Variants in OLFM3 observed in about 807,000 individuals in gnomAD.
The protein encoded by OLFM3 is olfactomedin 3.
OLFM3 carries 20 observed loss-of-function variants against 48.6 expected under a neutral mutation model. The observed-to-expected ratio is 0.41, with a 90% CI of 0.29 to 0.60. The LOEUF is 0.60. OLFM3 is among the 20% of genes least tolerant of loss of function. The pLI is 0.28. For missense variants in OLFM3, 437 were observed against 544.3 expected (o/e 0.80, Z 1.96); for synonymous variants, 222 against 198.1 (o/e 1.12, Z -1.01).
At chr1:101,865,256 C>A (rs1183509324) in intron 1 of OLFM3, among the ~76,000 whole-genome samples, 2 of 151,832 alleles carry the variant, frequency 1.3e-5, no homozygotes, top group Non-Finnish European at 2.9e-5. Context: ...ACAGCCCTGG[C>A]CAATCCTTAA....
At position 101,904,535 on chromosome 1, in the gene OLFM3, T is replaced by A. The variant is rs578242071; in HGVS notation, c.70-67510A>T. Among the ~76,000 whole-genome samples, 3 of 152,186 alleles carry A rather than the reference T, an allele frequency of 2.0e-5. No homozygotes were observed. In the South Asian group the frequency reaches 6.2e-4, roughly 32 times the overall value. On this transcript the variant is annotated intron_variant, in intron 1 of 5. Transcript: ENST00000370103. ...TAAGTAACTTGGAGTATATTGTTTA[T>A]CCTTTAATATGTGGAGGGAAGCTAA...
intron 1 of OLFM3, among the ~76,000 whole-genome samples, chr1:101,985,823 T>A (rs1157002270): frequency 6.6e-6 from 1 of 152,196 alleles, no homozygotes; most frequent in Admixed American, 6.5e-5. Flanking sequence ...ACTATATGTA[T>A]ACAATGAATT....
intron 1 of OLFM3, among the ~76,000 whole-genome samples, chr1:101,899,801 TAAA>T (rs957861550): frequency 6.6e-6 from 1 of 152,290 alleles, no homozygotes; most frequent in African/African-American, 2.4e-5. Flanking sequence ...AATATGTAAA[TAAA>T]TAATTTAAAC....
chr1:101,946,275 TTAA>T (rs1428056111), intron 1 of OLFM3, among the ~76,000 whole-genome samples: 2 of 152,360 alleles, frequency 1.3e-5, no homozygotes, highest in East Asian at 1.9e-4. Context: ...TGTGAATATG[TTAA>T]TGACACAAAT....
chr1:101,992,725 C>A (rs1003732127), intron 1 of OLFM3, among the ~76,000 whole-genome samples: 9 of 151,584 alleles, frequency 5.9e-5, no homozygotes, highest in African/African-American at 2.2e-4. Flanking sequence ...CAGTTTAAGT[C>A]TGATTATTTT....
At chr1:101,950,921 C>G (rs1017954039) in intron 1 of OLFM3, among the ~76,000 whole-genome samples, 20 of 152,128 alleles carry the variant, frequency 1.3e-4, no homozygotes, top group African/African-American at 4.8e-4. Context: ...CCACTTACTG[C>G]AAACATGGGC....
Position 101,949,915 on chromosome 1 carries a change from G to C in OLFM3, c.69+46833C>G, listed in dbSNP as rs541037460. On this transcript the variant is annotated intron_variant, in intron 1 of 5. Coordinates refer to ENST00000370103, the MANE Select transcript of OLFM3 (RefSeq NM_058170.4). The stretch of plus-strand genomic sequence containing the variant: ...ACTGCACACTCCAGCCTGGGCAACA[G>C]AGCAAGACTCCGTCTGAAAAAAAAA... Among the ~76,000 whole-genome samples, 18 of 119,470 alleles carry C rather than the reference G, an allele frequency of 1.5e-4. No homozygotes were observed. The South Asian group carries it at 4.3e-3, about 29-fold the overall frequency. 78.4% of individuals were successfully genotyped at this position (119,470 alleles called of 152,430 possible).
chr1:101,867,409 G>A (rs1339621789), intron 1 of OLFM3, among the ~76,000 whole-genome samples: 2 of 152,048 alleles, frequency 1.3e-5, no homozygotes, highest in African/African-American at 2.4e-5. Flanking sequence ...TTCTTAATAT[G>A]GAGAACTCCT....
intron 1 of OLFM3, among the ~76,000 whole-genome samples, chr1:101,899,860 T>A (rs980513214): frequency 2.0e-5 from 3 of 152,182 alleles, no homozygotes; most frequent in African/African-American, 7.2e-5. Context: ...CATAAGTTAC[T>A]TATTTAGCTT....
chr1:101,816,647 C>T (rs1175132698), intron 4 of OLFM3, among the ~76,000 whole-genome samples: 1 of 152,126 alleles, frequency 6.6e-6, no homozygotes, highest in African/African-American at 2.4e-5. Context: ...ATGCCTTATT[C>T]TCTGGAGTGG....
At chr1:101,904,900 T>C (rs1416163753) in intron 1 of OLFM3, among the ~76,000 whole-genome samples, 1 of 152,074 alleles carries the variant, frequency 6.6e-6, no homozygotes, top group Non-Finnish European at 1.5e-5. Flanking sequence ...ATAACTCCCT[T>C]TCAGCATGTG....
In OLFM3 at chr1:101,961,937, C is replaced by T. The variant is rs571802959; in HGVS notation, c.69+34811G>A. ...CTTAGCTTCCTTTCCTCTCTTCTAG[C>T]TATCTTTTCTACCACCCACAACAGT... On this transcript the variant is annotated intron_variant, in intron 1 of 5. Coordinates refer to ENST00000370103, the MANE Select transcript of OLFM3 (RefSeq NM_058170.4). 1.6e-4 allele frequency among the ~76,000 whole-genome samples: 25 copies of T among 152,280 alleles called. No homozygotes were observed. In the East Asian group the frequency reaches 4.3e-3, roughly 26 times the overall value.
chr1:101,907,488 CTGACTT>C (rs1273633944), intron 1 of OLFM3, among the ~76,000 whole-genome samples: 1 of 152,166 alleles, frequency 6.6e-6, no homozygotes, highest in Non-Finnish European at 1.5e-5. Flanking sequence ...CCAGGACACT[CTGACTT>C]TGATAGCTGT....
At chr1:101,848,580 C>A (rs1656103470) in intron 1 of OLFM3, among the ~76,000 whole-genome samples, 1 of 151,768 alleles carries the variant, frequency 6.6e-6, no homozygotes, top group Admixed American at 6.6e-5. Context: ...CCCACAAAAC[C>A]AAATATTATT....
intron 4 of OLFM3, among the ~76,000 whole-genome samples, chr1:101,822,345 C>T (rs1185742618): frequency 1.3e-5 from 2 of 152,062 alleles, no homozygotes; most frequent in Non-Finnish European, 2.9e-5. Flanking sequence ...CGTTAGGTTT[C>T]AGGGGGTTTA....
chr1:101,832,438 T>C (rs1319736064), intron 2 of OLFM3, among the ~76,000 whole-genome samples: 1 of 152,212 alleles, frequency 6.6e-6, no homozygotes, highest in African/African-American at 2.4e-5. Flanking sequence ...TCTTTGCCTT[T>C]TTTTCACCCT....
intron 4 of OLFM3, chr1:101,812,514 A>T: frequency 4.1e-6 from 4 of 985,344 alleles, no homozygotes; most frequent in Non-Finnish European, 4.8e-6. Context: ...GCATAATCCG[A>T]TGTTGATTAG....
chr1:101,879,893 A>C (rs2100988565), intron 1 of OLFM3, among the ~76,000 whole-genome samples: 1 of 152,008 alleles, frequency 6.6e-6, no homozygotes, highest in South Asian at 2.1e-4. Context: ...CTTATTGTAA[A>C]GAAAAATAGC....
At position 101,825,090 on chromosome 1, in the gene OLFM3, G is replaced by A. The variant is rs202165716; in HGVS notation, c.528C>T (p.Tyr176=). 16 of 1,614,054 alleles carry A rather than the reference G, an allele frequency of 9.9e-6. No homozygotes were observed. Among genetic ancestry groups the A allele is most frequent in the East Asian group, 2.2e-5 (1 of 44,866 alleles). Residue 176 remains tyrosine (Y), a synonymous_variant, in exon 4 of 6, where the codon TAC becomes TAT. Coordinates refer to ENST00000370103, the MANE Select transcript of OLFM3 (RefSeq NM_058170.4). ...GIQEEIGAYD[Y]EELHQRVLSL... is the part of the protein sequence containing the mutation. ...TCAGCACTCTTTGGTGTAGTTCCTC[G>A]TAGTCATAGGCACCAATTTCCTCCT... is the stretch of plus-strand genomic sequence containing the variant.
Sources: gnomAD v4.1 joint callset for allele counts (sites outside exome capture counted in the v4.1 genomes callset) on GRCh38, gnomAD v4.1.1 for gene constraint, MANE v1.5 for transcripts, NCBI Gene and HGNC (gene_info 2026-07-23, HGNC 2026-07-21) for gene names.